Variants in PSMD3 observed in about 807,000 individuals in gnomAD.
The protein encoded by PSMD3 is 26S proteasome non-ATPase regulatory subunit 3.
In PSMD3, 5 loss-of-function variants were observed where a neutral mutation model predicts 62.8. That is an observed-to-expected ratio of 0.08 (90% CI 0.04 to 0.17). The LOEUF (loss-of-function observed/expected upper bound fraction) is 0.17, where lower values mean the gene tolerates loss of function less well. PSMD3 is among the 10% of genes least tolerant of loss of function. PSMD3 has a pLI of 1.00. For missense variants in PSMD3, 524 were observed against 713.6 expected (o/e 0.73, Z 3.03); for synonymous variants, 265 against 283.9 (o/e 0.93, Z 0.67).
Position 39,981,110 on chromosome 17 carries a change from C to T in PSMD3, c.140C>T (p.Ser47Leu). Residue 47 changes from serine to leucine, a missense_variant, in exon 1 of 12, where the codon TCG becomes TTG. Coordinates refer to ENST00000264639, the MANE Select transcript of PSMD3 (RefSeq NM_002809.4). Reference sequence around the variant, plus strand: ...GAGGAGGCAGCGACGGGTGGCGGGTCGACGGGGGAGGCAGACGGCAAGACG... The same window carrying T: ...GAGGAGGCAGCGACGGGTGGCGGGTTGACGGGGGAGGCAGACGGCAAGACG... ...MKEEAATGGG[S>L]TGEADGKTAA... 1 of 1,550,632 alleles carries T rather than the reference C, an allele frequency of 6.4e-7. No individual in the cohort carries two copies. Among genetic ancestry groups the T allele is most frequent in the Non-Finnish European group, 8.7e-7 (1 of 1,146,696 alleles).
At position 39,981,025 on chromosome 17, in the gene PSMD3, C is replaced by T. The variant is rs1017366967; in HGVS notation, c.55C>T (p.Pro19Ser). The T allele has an allele frequency of 1.3e-6, 2 of 1,548,988 alleles. No individual in the cohort carries two copies. Among genetic ancestry groups the T allele is most frequent in the Non-Finnish European group, 1.7e-6 (2 of 1,146,512 alleles). ...CGGCGCGGACAAGGCGAAACCGCCG[C>T]CCGGCGGAGGAGAACAAGAACCCCC... is the stretch of plus-strand genomic sequence containing the variant. ...RRGADKAKPP[P>S]GGGEQEPPPP... The change falls in exon 1 of 12, where the codon CCC becomes TCC. Residue 19 changes from proline (P) to serine (S), a missense_variant. Pro to Ser is a moderately conservative substitution (Grantham distance 74, BLOSUM62 -1). Coordinates refer to ENST00000264639, the MANE Select transcript of PSMD3 (RefSeq NM_002809.4).
chr17:39,989,652 T>C (rs1014242042), intron 4 of PSMD3, 87 bp from the exon 5 acceptor site: 4 of 1,303,374 alleles, frequency 3.1e-6, no homozygotes, highest in African/African-American at 2.9e-5. Context: ...TATAACTTTT[T>C]TAAGGAATTG....
In PSMD3 at chr17:39,980,996, G is replaced by A. The variant is rs1418966190; in HGVS notation, c.26G>A (p.Arg9His). The change falls in exon 1 of 12, where the codon CGC becomes CAC. Residue 9 changes from arginine (R) to histidine (H), a missense_variant. Arg to His is a conservative substitution (Grantham distance 29). Transcript: ENST00000264639. MKQEGSAR[R>H]RGADKAKPPP... The stretch of plus-strand genomic sequence containing the variant: ...ATGAAGCAGGAGGGCTCGGCGCGGC[G>A]CCGCGGCGCGGACAAGGCGAAACCG... 1 of 1,547,262 alleles carries A rather than the reference G, an allele frequency of 6.5e-7. No homozygotes were observed. The highest frequency in any genetic ancestry group is 8.7e-7 in the Non-Finnish European group (1 of 1,146,954).
intron 3 of PSMD3, among the ~76,000 whole-genome samples, chr17:39,987,062 G>T (rs765784144): frequency 1.5e-4 from 23 of 152,086 alleles, no homozygotes; most frequent in Admixed American, 4.6e-4. Flanking sequence ...TGTAAGATGG[G>T]GATAATAGTG....
At chr17:39,994,845 T>A in intron 6 of PSMD3, 109 bp from the exon 7 acceptor site, 1 of 902,294 alleles carries the variant, frequency 1.1e-6, no homozygotes, top group Non-Finnish European at 1.7e-6. Context: ...TAAACAGTGA[T>A]CCCTTTCCCT....
chr17:39,981,322 C>G (rs1383348037), intron 1 of PSMD3, 132 bp downstream of exon 1: 5 of 1,416,884 alleles, frequency 3.5e-6, no homozygotes, highest in Non-Finnish European at 4.7e-6. Flanking sequence ...GATACCTGCT[C>G]CCACTGCCCC....
At chr17:39,981,573 TGTAAACAGGGCC>T in intron 1 of PSMD3, among the ~76,000 whole-genome samples, 1 of 152,360 alleles carries the variant, frequency 6.6e-6, no homozygotes, top group Admixed American at 6.5e-5. Flanking sequence ...TGTGTCTGTG[TGTAAACAGGGCC>T]AGGATGACCT....
At position 39,990,208 on chromosome 17, in the gene PSMD3, A is replaced by G; in HGVS notation, c.981+11A>G. On this transcript the variant is annotated intron_variant, in intron 6 of 11. Coordinates refer to ENST00000264639, the MANE Select transcript of PSMD3 (RefSeq NM_002809.4). ...GGCTTCAAACAGACGGTGAGCCACAACTACCATCATCCCTTTGCCTCTTTT... is the reference window on the plus strand; with the variant it reads ...GGCTTCAAACAGACGGTGAGCCACAGCTACCATCATCCCTTTGCCTCTTTT... The G allele has an allele frequency of 4.4e-6, 7 of 1,594,434 alleles. No homozygotes were observed. The highest frequency in any genetic ancestry group is 1.4e-5 in the African/African-American group (1 of 73,356).
At chr17:39,989,602 T>G (rs550501875) in intron 4 of PSMD3, 137 bp from the exon 5 acceptor site, 1 of 826,970 alleles carries the variant, frequency 1.2e-6, no homozygotes, top group East Asian at 2.7e-5. Flanking sequence ...AGGCACTCGA[T>G]AGTTAACAGT....
chr17:39,989,947 A>G lies in PSMD3; in HGVS notation c.877+18A>G, dbSNP rs1201626750. On this transcript the variant is annotated intron_variant, in intron 5 of 11. Transcript: ENST00000264639. ...CTACACAGGTGAGCAGAGGGGCCCAACCCATAAATCAGAAGGTGTCTCAGG... is the reference window on the plus strand; with the variant it reads ...CTACACAGGTGAGCAGAGGGGCCCAGCCCATAAATCAGAAGGTGTCTCAGG... The G allele has an allele frequency of 2.5e-6, 4 of 1,604,808 alleles. No homozygotes were observed. The highest frequency in any genetic ancestry group is 2.2e-5 in the East Asian group (1 of 44,596).
At chr17:39,989,565 C>T (rs746802856) in intron 4 of PSMD3, among the ~76,000 whole-genome samples, 174 bp from the exon 5 acceptor site, 4 of 152,142 alleles carry the variant, frequency 2.6e-5, no homozygotes, top group African/African-American at 9.7e-5. Context: ...GTCCCTTTGT[C>T]GCACCCAGAA....
chr17:39,983,807 T>A (rs1228901391), intron 1 of PSMD3, among the ~76,000 whole-genome samples: 1 of 152,218 alleles, frequency 6.6e-6, no homozygotes, highest in East Asian at 1.9e-4. Context: ...CACTTGGTTA[T>A]GTCTTAAAAT....
intron 1 of PSMD3, among the ~76,000 whole-genome samples, chr17:39,982,137 G>C (rs949830644): frequency 6.6e-6 from 1 of 152,162 alleles, no homozygotes; most frequent in African/African-American, 2.4e-5. Flanking sequence ...TATCCTCCTA[G>C]GTGGTGCTTT....
At position 39,997,745 on chromosome 17, in the gene PSMD3, C is replaced by G. The variant is rs1178292463; in HGVS notation, c.*164C>G. The G allele has an allele frequency of 1.3e-5, 10 of 791,282 alleles. No homozygotes were observed. In the South Asian group the frequency reaches 1.7e-4, roughly 13 times the overall value. 49.0% of individuals were successfully genotyped at this position (791,282 alleles called of 1,614,324 possible). On this transcript the variant is annotated 3_prime_UTR_variant, in exon 12 of 12. Transcript: ENST00000264639. ...CCAGCCACCCTGACCTCCCCCAGGG[C>G]TCCTCCCCAGCCGGTGACTTACTGT...
Position 39,980,866 on chromosome 17 carries a change from A to G in PSMD3, c.-105A>G, listed in dbSNP as rs1215870103. ...CTCCGTCATCGTGCGGCCCGACGCT[A>G]TCTCGCGCTCGTGTGCAGGCCCGGC... is the stretch of plus-strand genomic sequence containing the variant. On this transcript the variant is annotated 5_prime_UTR_variant, in exon 1 of 12. Transcript: ENST00000264639. The G allele has an allele frequency of 3.9e-6, 4 of 1,027,694 alleles. No homozygotes were observed. The highest frequency in any genetic ancestry group is 2.9e-5 in the East Asian group (1 of 34,452). 63.7% of individuals were successfully genotyped at this position (1,027,694 alleles called of 1,614,324 possible). A position where few individuals can be genotyped will look rare whatever the true frequency, so the allele number is the denominator to read the frequency against.
rs1282297802 is a variant in PSMD3, at chr17:39,981,175, A to C, written c.205A>C (p.Thr69Pro). The C allele has an allele frequency of 6.4e-7, 1 of 1,550,718 alleles. No homozygotes were observed. Among genetic ancestry groups the C allele is most frequent in the Non-Finnish European group, 8.7e-7 (1 of 1,146,868 alleles). Residue 69 changes from threonine to proline, a missense_variant, in exon 1 of 12, where the codon ACA (threonine) becomes CCA (proline). Coordinates refer to ENST00000264639, the MANE Select transcript of PSMD3 (RefSeq NM_002809.4). ...AAEHSQRELD[T>P]VTLEDIKEHV... is the part of the protein sequence containing the mutation. ...TGAGCACTCCCAGCGAGAGCTGGACACAGTCACCTTGGAGGGTACGGCAGC... is the reference window on the plus strand; with the variant it reads ...TGAGCACTCCCAGCGAGAGCTGGACCCAGTCACCTTGGAGGGTACGGCAGC...
Position 39,995,623 on chromosome 17 carries a change from G to A in PSMD3, c.1320+96G>A. On this transcript the variant is annotated intron_variant, in intron 9 of 11. Coordinates refer to ENST00000264639, the MANE Select transcript of PSMD3 (RefSeq NM_002809.4). The surrounding 1 kb of genome is among the most constrained non-coding windows in gnomAD (Gnocchi z 4.1). ...AGGAGTTTGGCCAAGGAGGGGAATA[G>A]GTAAAGCAATGGCATAGTCATTTCA... 4 of 1,223,026 alleles carry A rather than the reference G, an allele frequency of 3.3e-6. No individual in the cohort carries two copies. Among genetic ancestry groups the A allele is most frequent in the Non-Finnish European group, 3.6e-6 (3 of 840,436 alleles). The allele number at this position is 1,223,026 out of a possible 1,614,324, so 75.8% of individuals were successfully genotyped here.
At chr17:39,983,485 A>G (rs1980436727) in intron 1 of PSMD3, among the ~76,000 whole-genome samples, 2 of 152,178 alleles carry the variant, frequency 1.3e-5, no homozygotes, top group African/African-American at 4.8e-5. Context: ...GTGGCAATAT[A>G]ATCATTATAC....
In PSMD3 at chr17:39,996,400, T is replaced by A. The variant is rs930729953; in HGVS notation, c.1476+62T>A. 1 of 1,567,444 alleles carries A rather than the reference T, an allele frequency of 6.4e-7. No homozygotes were observed. The highest frequency in any genetic ancestry group is 1.4e-5 in the African/African-American group (1 of 73,406). On this transcript the variant is annotated intron_variant, in intron 10 of 11. Transcript: ENST00000264639. This position sits in a 1 kb window ranked among gnomAD's most constrained non-coding sequence, Gnocchi z 5.1. ...CAGCACACCCCTCCCTCCACACTCA[T>A]GGATTCCTCAGAGAAGACTGGCTTA...
Sources: allele counts gnomAD v4.1 joint callset (sites outside exome capture counted in the v4.1 genomes callset), GRCh38; gene constraint gnomAD v4.1.1; non-coding constraint Gnocchi (gnomAD v3.1); transcripts MANE v1.5; gene names NCBI Gene and HGNC (gene_info 2026-07-23, HGNC 2026-07-21).